EFL1: variants seen among roughly 807,000 people sequenced by gnomAD.
EFL1 encodes the protein elongation factor-like GTPase 1.
EFL1 carries 76 observed loss-of-function variants against 126.7 expected under a neutral mutation model. That is an observed-to-expected ratio of 0.60 (90% CI 0.50 to 0.73). The LOEUF is 0.73. Ranked by LOEUF, EFL1 falls within the 30% of genes least tolerant of loss-of-function variation. The pLI is 0.00. For missense variants in EFL1, 1,128 were observed against 1,343.2 expected, an observed-to-expected ratio of 0.84 and a Z score of 2.50; for synonymous variants, 410 against 448.4, an observed-to-expected ratio of 0.91 and a Z score of 1.08.
At chr15:82,162,253 G>A (rs1356360538) in intron 16 of EFL1, among the ~76,000 whole-genome samples, 9 of 152,260 alleles carry the variant, frequency 5.9e-5, no homozygotes, top group South Asian at 2.1e-4. Context: ...ACTGCACTCC[G>A]GCCTGGGTGA....
intron 3 of EFL1, 48 bp from the exon 4 acceptor site, chr15:82,252,823 G>A (rs2075034778): frequency 1.9e-6 from 2 of 1,057,414 alleles, no homozygotes; most frequent in Non-Finnish European, 1.4e-6. Context: ...GAATTAAAAT[G>A]TAACATTAAA....
intron 14 of EFL1, among the ~76,000 whole-genome samples, chr15:82,218,951 CA>C (rs2074679843): frequency 6.6e-6 from 1 of 152,110 alleles, no homozygotes; most frequent in South Asian, 2.1e-4. Context: ...CAGAGAGGAG[CA>C]TGGGTTTTTG....
intron 18 of EFL1, 126 bp downstream of exon 18, chr15:82,151,339 G>T: frequency 1.1e-6 from 1 of 895,690 alleles, no homozygotes; most frequent in Non-Finnish European, 1.7e-6. Flanking sequence ...AGTGAGCCGA[G>T]ATTGTGCCAC....
chr15:82,236,073 A>T (rs1335697839), intron 7 of EFL1, among the ~76,000 whole-genome samples: 3 of 152,180 alleles, frequency 2.0e-5, no homozygotes, highest in Non-Finnish European at 4.4e-5. Flanking sequence ...ATTTATAATC[A>T]TTCAGAAAAA....
Position 82,151,029 on chromosome 15 carries a change from C to G in EFL1, c.2989+436G>C, listed in dbSNP as rs72749531. 6.9e-3 allele frequency among the ~76,000 whole-genome samples: 1,050 copies of G among 152,250 alleles called. 8 individuals carry two copies. Among genetic ancestry groups the G allele is most frequent in the Non-Finnish European group, 8.2e-3 (556 of 68,020 alleles). ...CTTAAGATATCTGGCTTTCAAAGATCTTAGTTTGTTAGTAAATCAGAAGAT... is the reference window on the plus strand; with the variant it reads ...CTTAAGATATCTGGCTTTCAAAGATGTTAGTTTGTTAGTAAATCAGAAGAT... On this transcript the variant is annotated intron_variant, in intron 18 of 19. Transcript: ENST00000268206.
At chr15:82,159,481 T>C (rs1446312886) in intron 16 of EFL1, among the ~76,000 whole-genome samples, 2 of 152,038 alleles carry the variant, frequency 1.3e-5, no homozygotes, top group Non-Finnish European at 2.9e-5. Flanking sequence ...AGTTTTTTTT[T>C]TTTTTTCAAA....
chr15:82,210,255 T>C (rs2074569834), intron 15 of EFL1, among the ~76,000 whole-genome samples: 1 of 151,972 alleles, frequency 6.6e-6, no homozygotes, highest in African/African-American at 2.4e-5. Flanking sequence ...AAAGGCAGAG[T>C]CAGTTCCCTC....
At chr15:82,167,793 A>G (rs2074094842) in intron 15 of EFL1, among the ~76,000 whole-genome samples, 1 of 152,234 alleles carries the variant, frequency 6.6e-6, no homozygotes, top group African/African-American at 2.4e-5. Flanking sequence ...TACTGTTACA[A>G]TTTAATTCTA....
chr15:82,213,206 G>A (rs2141294819), intron 15 of EFL1, among the ~76,000 whole-genome samples: 1 of 152,286 alleles, frequency 6.6e-6, no homozygotes, highest in East Asian at 1.9e-4. Flanking sequence ...TGTCCATCAG[G>A]CTTAGTCTTA....
chr15:82,156,600 T>C (rs2073970159), intron 17 of EFL1, among the ~76,000 whole-genome samples: 1 of 149,574 alleles, frequency 6.7e-6, no homozygotes, highest in Admixed American at 6.6e-5. Flanking sequence ...GTTATTCTTA[T>C]TCTATTATTA....
intron 17 of EFL1, among the ~76,000 whole-genome samples, chr15:82,155,906 T>C (rs934562358): frequency 6.6e-6 from 1 of 152,234 alleles, no homozygotes; most frequent in African/African-American, 2.4e-5. Flanking sequence ...CTTTGTACAG[T>C]TTTTCTATTG....
chr15:82,139,210 A>G (rs991378152), intron 18 of EFL1, among the ~76,000 whole-genome samples: 4 of 152,204 alleles, frequency 2.6e-5, no homozygotes, highest in Non-Finnish European at 5.9e-5. Flanking sequence ...ATATTAAAAT[A>G]TTTGAATAAT....
intron 3 of EFL1, among the ~76,000 whole-genome samples, chr15:82,256,201 C>G (rs935643751): frequency 6.6e-6 from 1 of 152,166 alleles, no homozygotes; most frequent in African/African-American, 2.4e-5. Context: ...GCCTCAAACT[C>G]CTGGGTTTAT....
At chr15:82,174,033 C>CA (rs1225488929) in intron 15 of EFL1, among the ~76,000 whole-genome samples, 1 of 151,974 alleles carries the variant, frequency 6.6e-6, no homozygotes, top group African/African-American at 2.4e-5. Context: ...ACTAAAAATA[C>CA]AAAAAATTAG....
chr15:82,238,760 A>G (rs996983585), intron 6 of EFL1, among the ~76,000 whole-genome samples: 3 of 152,190 alleles, frequency 2.0e-5, no homozygotes, highest in African/African-American at 7.2e-5. Flanking sequence ...TATTATTATT[A>G]GTTTAATGTA....
chr15:82,256,803 T>C (rs529063328), intron 3 of EFL1, among the ~76,000 whole-genome samples: 5 of 152,322 alleles, frequency 3.3e-5, no homozygotes, highest in African/African-American at 1.2e-4. Flanking sequence ...AATCTTGAAT[T>C]CCTTGGGATA....
chr15:82,252,466 G>T (rs950212912), intron 4 of EFL1, among the ~76,000 whole-genome samples: 1 of 152,192 alleles, frequency 6.6e-6, no homozygotes, highest in African/African-American at 2.4e-5. Flanking sequence ...ACCTGGTGGA[G>T]GGGGCAGGTG....
intron 3 of EFL1, among the ~76,000 whole-genome samples, chr15:82,258,502 G>A (rs368178259): frequency 1.1e-4 from 17 of 152,146 alleles, no homozygotes; most frequent in African/African-American, 3.4e-4. Flanking sequence ...AGTGAGCCGT[G>A]CATGATCACA....
chr15:82,147,515 G>A (rs1048337149), intron 18 of EFL1, among the ~76,000 whole-genome samples: 11 of 131,928 alleles, frequency 8.3e-5, no homozygotes, highest in African/African-American at 2.2e-4. Context: ...GGTGGTGCAC[G>A]TGTGTAATCC....
Sources: gnomAD v4.1 joint callset for allele counts (sites outside exome capture counted in the v4.1 genomes callset) on GRCh38, gnomAD v4.1.1 for gene constraint, MANE v1.5 for transcripts, NCBI Gene and HGNC (gene_info 2026-07-23, HGNC 2026-07-21) for gene names.